D2HGDH: variants seen among roughly 807,000 people sequenced by gnomAD.
D2HGDH encodes the protein D-2-hydroxyglutarate dehydrogenase, mitochondrial.
A neutral mutation model predicts 46.9 loss-of-function variants in D2HGDH; 31 were observed. The observed-to-expected ratio is 0.66, with a 90% CI of 0.50 to 0.89. The LOEUF (loss-of-function observed/expected upper bound fraction) is 0.89. D2HGDH is among the 40% of genes least tolerant of loss of function. D2HGDH has a pLI of 0.00. For synonymous variants in D2HGDH, 364 were observed against 332.6 expected, an observed-to-expected ratio of 1.09 and a Z score of -1.03; for missense variants, 698 against 720.8, an observed-to-expected ratio of 0.97 and a Z score of 0.36.
chr2:241,768,123 C>T lies in D2HGDH; in HGVS notation c.*154C>T, dbSNP rs529169923. 2.5e-5 allele frequency: 29 copies of T among 1,175,340 alleles called. No individual in the cohort carries two copies. Among genetic ancestry groups the T allele is most frequent in the Middle Eastern group, 3.0e-4 (1 of 3,376 alleles). The allele number at this position is 1,175,340 out of a possible 1,614,324, so 72.8% of individuals were successfully genotyped here. A position where few individuals can be genotyped will look rare whatever the true frequency, so the allele number is the denominator to read the frequency against. On this transcript the variant is annotated 3_prime_UTR_variant, in exon 10 of 10. Transcript: ENST00000321264. ...GAGCCCGCACTGGGGAACTGCCGGA[C>T]GCAGGCCCTCGGGCAGGAGCATCTG...
Position 241,768,191 on chromosome 2 carries a change from G to C in D2HGDH, c.*222G>C, listed in dbSNP as rs868317102. On this transcript the variant is annotated 3_prime_UTR_variant, in exon 10 of 10. Transcript: ENST00000321264. ...GCAGGCACCCTCCTTTGCAGGGCGA[G>C]GTGGGGCCTCTGCAGCCATCCTGGA... 1.3e-4 allele frequency: 89 copies of C among 708,446 alleles called. 2 individuals are homozygous for C. Among genetic ancestry groups the C allele is most frequent in the Middle Eastern group, 1.2e-3 (3 of 2,480 alleles). The allele number at this position is 708,446 out of a possible 1,614,324, so 43.9% of individuals were successfully genotyped here. A position where few individuals can be genotyped will look rare whatever the true frequency, so the allele number is the denominator to read the frequency against.
intron 8 of D2HGDH, 72 bp from the exon 9 acceptor site, chr2:241,755,777 G>T (rs1301466226): frequency 1.9e-6 from 3 of 1,611,304 alleles, no homozygotes; most frequent in South Asian, 2.2e-5. Flanking sequence ...CCCTAACCCC[G>T]TGTGGTGTGC....
In D2HGDH at chr2:241,762,882, C is replaced by T. The variant is rs941035176; in HGVS notation, c.1307-4828C>T. ...GTTTGTGTTCTGTGTCTGGAAATGA[C>T]AGCGTCTGAGGTGTTTGTGGGTCTG... is the stretch of plus-strand genomic sequence containing the variant. On this transcript the variant is annotated intron_variant, in intron 9 of 9. Coordinates refer to ENST00000321264, the MANE Select transcript of D2HGDH (RefSeq NM_152783.5). Among the ~76,000 whole-genome samples the T allele has an allele frequency of 5.9e-5, 9 of 152,318 alleles. No homozygotes were observed. The East Asian group carries it at 1.5e-3, about 26-fold the overall frequency.
In D2HGDH at chr2:241,742,884, G is replaced by T. The variant is rs1033793771; in HGVS notation, c.490+310G>T. On this transcript the variant is annotated intron_variant, in intron 4 of 9. Coordinates refer to ENST00000321264, the MANE Select transcript of D2HGDH (RefSeq NM_152783.5). This position sits in a 1 kb window ranked among gnomAD's most constrained non-coding sequence, Gnocchi z 4.8. ...GTGCCAGGGCGTGGCAGGCATGAGG[G>T]GATCCTGACCCAGGGCGCCAGGGCG... 3.3e-5 allele frequency among the ~76,000 whole-genome samples: 5 copies of T among 151,052 alleles called. No homozygotes were observed. Among genetic ancestry groups the T allele is most frequent in the African/African-American group, 1.2e-4 (5 of 40,774 alleles).
Position 241,743,310 on chromosome 2 carries a change from C to G in D2HGDH, c.491-312C>G, listed in dbSNP as rs1359306369. 6.6e-6 allele frequency among the ~76,000 whole-genome samples: 1 copy of G among 152,252 alleles called. No homozygotes were observed. Among genetic ancestry groups the G allele is most frequent in the African/African-American group, 2.4e-5 (1 of 41,464 alleles). ...CAGGCATTGTCCCACATGCCCAGGG[C>G]AGGATCAGCCCCAGCTGAGAATCTT... On this transcript the variant is annotated intron_variant, in intron 4 of 9. Transcript: ENST00000321264. The surrounding 1 kb of genome is among the most constrained non-coding windows in gnomAD (Gnocchi z 4.8).
Position 241,743,835 on chromosome 2 carries a change from T to G in D2HGDH, c.684+20T>G. On this transcript the variant is annotated intron_variant, in intron 5 of 9. Coordinates refer to ENST00000321264, the MANE Select transcript of D2HGDH (RefSeq NM_152783.5). The surrounding 1 kb of genome is among the most constrained non-coding windows in gnomAD (Gnocchi z 4.8). ...GAAGTGGTGAGCTGGGGCAGCTGCT[T>G]GGTGCAGAGGTCGCCACGGGGTGTC... 6.3e-7 allele frequency: 1 copy of G among 1,583,314 alleles called. No homozygotes were observed. The highest frequency in any genetic ancestry group is 8.6e-7 in the Non-Finnish European group (1 of 1,165,514).
intron 6 of D2HGDH, chr2:241,748,933 C>T (rs762488359): frequency 7.9e-5 from 102 of 1,294,084 alleles, no homozygotes; most frequent in Non-Finnish European, 9.8e-5. Context: ...TCCTGCTCTT[C>T]GCACTCCAGG....
rs983453974 is a variant in D2HGDH at position 241,743,247 on chromosome 2, T to C, written c.491-375T>C. ...ACTGTTGGGTGTTGAGCAGCATCCT[T>C]GGCCTCCGCCTACAAGGTGCCCATG... is the stretch of plus-strand genomic sequence containing the variant. On this transcript the variant is annotated intron_variant, in intron 4 of 9. Transcript: ENST00000321264. The surrounding 1 kb of genome is among the most constrained non-coding windows in gnomAD (Gnocchi z 4.8). Among the ~76,000 whole-genome samples, 11 of 152,184 alleles carry C rather than the reference T, an allele frequency of 7.2e-5. No individual in the cohort carries two copies. The highest frequency in any genetic ancestry group is 1.9e-4 in the African/African-American group (8 of 41,448).
intron 2 of D2HGDH, among the ~76,000 whole-genome samples, chr2:241,736,719 G>T (rs1314645360): frequency 1.3e-5 from 2 of 151,374 alleles, no homozygotes; most frequent in African/African-American, 4.9e-5. Context: ...GCCCAGGCTG[G>T]AGTGCAATGG....
intron 6 of D2HGDH, among the ~76,000 whole-genome samples, chr2:241,745,357 C>T (rs1695589459): frequency 6.6e-6 from 1 of 152,020 alleles, no homozygotes; most frequent in East Asian, 1.9e-4. Context: ...CTCACAGCCA[C>T]TTCTTCGGTT....
In D2HGDH at chr2:241,742,641, G is replaced by C; in HGVS notation, c.490+67G>C. 4 of 1,599,046 alleles carry C rather than the reference G, an allele frequency of 2.5e-6. No homozygotes were observed. Among genetic ancestry groups the C allele is most frequent in the Non-Finnish European group, 3.4e-6 (4 of 1,166,962 alleles). On this transcript the variant is annotated intron_variant, in intron 4 of 9. Coordinates refer to ENST00000321264, the MANE Select transcript of D2HGDH (RefSeq NM_152783.5). This position sits in a 1 kb window ranked among gnomAD's most constrained non-coding sequence, Gnocchi z 4.8. Reference sequence around the variant, plus strand: ...GTGCTGGTGGAGTTCTTCCTTGCCAGCGTCTGCAACTGTGGGGTGCTTGGG... The same window carrying C: ...GTGCTGGTGGAGTTCTTCCTTGCCACCGTCTGCAACTGTGGGGTGCTTGGG...
At chr2:241,745,458 C>T (rs148541768) in intron 6 of D2HGDH, among the ~76,000 whole-genome samples, 3,401 of 152,324 alleles carry the variant, frequency 0.022, 59 homozygotes, top group Middle Eastern at 0.068. Flanking sequence ...AGAAGTCGCA[C>T]AGCCCGGCAG....
rs989652526 is a variant in D2HGDH at position 241,742,701 on chromosome 2, A to C, written c.490+127A>C. ...GAGTTAGGGCCGGCGCTGGGGAAAG[A>C]ACCAGCGTCTGTAGCCTGGCCGCCT... On this transcript the variant is annotated intron_variant, in intron 4 of 9. Transcript: ENST00000321264. This position sits in a 1 kb window ranked among gnomAD's most constrained non-coding sequence, Gnocchi z 4.8. The C allele has an allele frequency of 1.2e-5, 15 of 1,264,278 alleles. No homozygotes were observed. The highest frequency in any genetic ancestry group is 1.6e-5 in the Non-Finnish European group (14 of 876,440). The allele number at this position is 1,264,278 out of a possible 1,614,324, so 78.3% of individuals were successfully genotyped here. A position where few individuals can be genotyped will look rare whatever the true frequency, so the allele number is the denominator to read the frequency against.
rs534817988 is a variant in D2HGDH at position 241,742,710 on chromosome 2, C to G, written c.490+136C>G. On this transcript the variant is annotated intron_variant, in intron 4 of 9. Transcript: ENST00000321264. The surrounding 1 kb of genome is among the most constrained non-coding windows in gnomAD (Gnocchi z 4.8). ...CCGGCGCTGGGGAAAGAACCAGCGT[C>G]TGTAGCCTGGCCGCCTAGCCCCACC... The G allele has an allele frequency of 1.7e-6, 2 of 1,190,096 alleles. No individual in the cohort carries two copies. The highest frequency in any genetic ancestry group is 2.5e-5 in the South Asian group (2 of 78,936). The allele number at this position is 1,190,096 out of a possible 1,614,324, so 73.7% of individuals were successfully genotyped here. A position where few individuals can be genotyped will look rare whatever the true frequency, so the allele number is the denominator to read the frequency against.
chr2:241,745,903 G>T (rs1695740878), intron 6 of D2HGDH, among the ~76,000 whole-genome samples: 1 of 152,096 alleles, frequency 6.6e-6, no homozygotes, highest in African/African-American at 2.4e-5. Context: ...TGGCCTCCTC[G>T]CTGTTGGGAA....
Position 241,743,579 on chromosome 2 carries a change from C to T in D2HGDH, c.491-43C>T. ...GTTGGGACTCACCAGCCCGGGGGCC[C>T]ACTGGAAGCCAAGTGCTGCGGCAGC... On this transcript the variant is annotated intron_variant, in intron 4 of 9. Transcript: ENST00000321264. The surrounding 1 kb of genome is among the most constrained non-coding windows in gnomAD (Gnocchi z 4.8). 1 of 1,596,486 alleles carries T rather than the reference C, an allele frequency of 6.3e-7. No individual in the cohort carries two copies. Among genetic ancestry groups the T allele is most frequent in the Non-Finnish European group, 8.5e-7 (1 of 1,172,402 alleles).
chr2:241,749,177 C>A, intron 6 of D2HGDH: 1 of 846,718 alleles, frequency 1.2e-6, no homozygotes, highest in Non-Finnish European at 1.6e-6. Context: ...CCAGTCCCCA[C>A]CGCCAGACCC....
In D2HGDH at chr2:241,742,425, C is replaced by T. The variant is rs1263139498; in HGVS notation, c.351-10C>T. On this transcript the variant is annotated splice_polypyrimidine_tract_variant and intron_variant, in intron 3 of 9. Coordinates refer to ENST00000321264, the MANE Select transcript of D2HGDH (RefSeq NM_152783.5). The surrounding 1 kb of genome is among the most constrained non-coding windows in gnomAD (Gnocchi z 4.8). ...ACAGAGCCCCAACGTCCCTCCTGTC[C>T]TCATCCCAGGCACTGCCACGAGAGG... 1.1e-5 allele frequency: 17 copies of T among 1,606,700 alleles called. No homozygotes were observed. Among genetic ancestry groups the T allele is most frequent in the Non-Finnish European group, 1.4e-5 (16 of 1,176,416 alleles).
chr2:241,763,482 G>A (rs1243744456), intron 9 of D2HGDH, among the ~76,000 whole-genome samples: 2 of 152,170 alleles, frequency 1.3e-5, no homozygotes, highest in East Asian at 1.9e-4. Context: ...ACTGGAGGTT[G>A]CTCTGGCGAG....
Sources: gnomAD v4.1 joint callset for allele counts (sites outside exome capture counted in the v4.1 genomes callset) on GRCh38, gnomAD v4.1.1 for gene constraint, Gnocchi (gnomAD v3.1) non-coding constraint, MANE v1.5 for transcripts, NCBI Gene and HGNC (gene_info 2026-07-23, HGNC 2026-07-21) for gene names.